CADM2: variants seen among roughly 807,000 people sequenced by gnomAD.
CADM2 encodes cell adhesion molecule 2.
CADM2 carries 12 observed loss-of-function variants against 49.8 expected under a neutral mutation model. The ratio of observed to expected loss-of-function variants is 0.24; its 90% confidence interval spans 0.15 to 0.39. CADM2 has a LOEUF of 0.39. Ranked by LOEUF, CADM2 falls within the 10% of genes least tolerant of loss-of-function variation. CADM2 has a pLI of 1.00. For synonymous variants in CADM2, 214 were observed against 175.4 expected (o/e 1.22, Z -1.74); for missense variants, 378 against 492.3 (o/e 0.77, Z 2.20).
intron 1 of CADM2, among the ~76,000 whole-genome samples, chr3:85,669,495 A>G (rs1473294934): frequency 1.3e-5 from 2 of 152,194 alleles, no homozygotes; most frequent in Non-Finnish European, 2.9e-5. Flanking sequence ...TGCATTCTTG[A>G]AATCAGAGCA....
At chr3:85,931,399 C>T (rs1199358110) in intron 6 of CADM2, among the ~76,000 whole-genome samples, 1 of 152,008 alleles carries the variant, frequency 6.6e-6, no homozygotes, top group Non-Finnish European at 1.5e-5. Context: ...GCTGTGATCA[C>T]ACCCCTGCAA....
At chr3:85,432,942 C>T (rs1022494844) in intron 1 of CADM2, among the ~76,000 whole-genome samples, 2 of 151,868 alleles carry the variant, frequency 1.3e-5, no homozygotes, top group African/African-American at 4.8e-5. Context: ...TCATTATGCT[C>T]CAATTTTAGT....
intron 2 of CADM2, among the ~76,000 whole-genome samples, chr3:85,767,735 CA>C (rs1349173432): frequency 3.3e-5 from 5 of 152,006 alleles, no homozygotes; most frequent in South Asian, 4.1e-4. Flanking sequence ...ACCAAAAAAA[CA>C]AAGGGTCTGG....
chr3:85,889,488 G>A (rs993210218), intron 5 of CADM2, among the ~76,000 whole-genome samples: 4 of 152,136 alleles, frequency 2.6e-5, no homozygotes, highest in South Asian at 4.1e-4. Flanking sequence ...TGATGTTGAC[G>A]CTCCTGTTTC....
chr3:85,311,998 C>T (rs1190288239), intron 1 of CADM2, among the ~76,000 whole-genome samples: 1 of 152,056 alleles, frequency 6.6e-6, no homozygotes, highest in African/African-American at 2.4e-5. Flanking sequence ...TTTCTATTTG[C>T]CAGAGGATGC....
intron 6 of CADM2, among the ~76,000 whole-genome samples, chr3:85,935,409 T>C (rs745771663): frequency 1.3e-5 from 2 of 152,072 alleles, no homozygotes; most frequent in Non-Finnish European, 2.9e-5. Context: ...CATAAATGCA[T>C]TCAGCCCATA....
At chr3:85,300,184 A>G (rs1054985604) in intron 1 of CADM2, among the ~76,000 whole-genome samples, 4 of 152,000 alleles carry the variant, frequency 2.6e-5, no homozygotes, top group Non-Finnish European at 5.9e-5. Context: ...GCTATAACTG[A>G]GTGTCTGAGG....
At chr3:85,708,437 A>T (rs2107730533) in intron 1 of CADM2, among the ~76,000 whole-genome samples, 1 of 152,232 alleles carries the variant, frequency 6.6e-6, no homozygotes, top group Non-Finnish European at 1.5e-5. Context: ...ATTGCACCTC[A>T]ACAAGCCGCA....
At chr3:85,577,143 T>C (rs922546232) in intron 1 of CADM2, among the ~76,000 whole-genome samples, 2 of 152,192 alleles carry the variant, frequency 1.3e-5, no homozygotes, top group African/African-American at 4.8e-5. Flanking sequence ...ACAAAGGGTT[T>C]TCCAGTTTAC....
chr3:85,088,706 A>G (rs1161483806), intron 1 of CADM2, among the ~76,000 whole-genome samples: 5 of 152,156 alleles, frequency 3.3e-5, no homozygotes, highest in African/African-American at 4.8e-5. Flanking sequence ...AAGAAGACCT[A>G]TTATGAATTA....
intron 1 of CADM2, among the ~76,000 whole-genome samples, chr3:85,573,225 G>C (rs919466660): frequency 8.7e-5 from 13 of 150,054 alleles, no homozygotes; most frequent in Non-Finnish European, 1.9e-4. Context: ...GCAAGGTCTC[G>C]CCTGTTGCCC....
At chr3:85,886,382 GTTAAGAAAAAGGCA>G (rs1286345885) in intron 5 of CADM2, 55 bp downstream of exon 5, 6 of 1,371,692 alleles carry the variant, frequency 4.4e-6, no homozygotes, top group Non-Finnish European at 6.2e-6. Context: ...AGTATGACAT[GTTAAGAAAAAGGCA>G]TTTTACATTA....
At chr3:86,016,859 G>A (rs1732304832) in intron 8 of CADM2, among the ~76,000 whole-genome samples, 1 of 151,952 alleles carries the variant, frequency 6.6e-6, no homozygotes, top group Non-Finnish European at 1.5e-5. Flanking sequence ...AAATTACTAA[G>A]GATTCAATGA....
At chr3:85,225,981 G>A (rs1453978695) in intron 1 of CADM2, among the ~76,000 whole-genome samples, 6 of 152,108 alleles carry the variant, frequency 3.9e-5, no homozygotes, top group East Asian at 1.9e-4. Flanking sequence ...AGCTTTCTGC[G>A]GTGCTGGTGG....
intron 8 of CADM2, chr3:86,013,633 A>T (rs771907868): frequency 1.6e-5 from 26 of 1,601,068 alleles, no homozygotes; most frequent in Non-Finnish European, 2.2e-5. Flanking sequence ...ATTATCACTG[A>T]CGATGTAGTG....
chr3:85,864,757 C>T (rs781020695), intron 3 of CADM2, among the ~76,000 whole-genome samples: 38 of 152,138 alleles, frequency 2.5e-4, no homozygotes, highest in Admixed American at 6.6e-5. Flanking sequence ...CTTCGTTTAT[C>T]ACTGGAAGCA....
chr3:85,874,251 G>T (rs1479086027), intron 3 of CADM2, among the ~76,000 whole-genome samples: 1 of 152,122 alleles, frequency 6.6e-6, no homozygotes, highest in Non-Finnish European at 1.5e-5. Flanking sequence ...GGGATTATTA[G>T]AATTGTACAC....
intron 2 of CADM2, among the ~76,000 whole-genome samples, chr3:85,797,117 A>G (rs907818776): frequency 6.6e-6 from 1 of 151,966 alleles, no homozygotes; most frequent in African/African-American, 2.4e-5. Flanking sequence ...AAAAGAAAAA[A>G]AAAAAGAAAA....
In CADM2 at chr3:85,444,376, G is replaced by T. The variant is rs2037348655; in HGVS notation, c.62-282146G>T. On this transcript the variant is annotated intron_variant, in intron 1 of 9. Coordinates refer to ENST00000383699, the MANE Select transcript of CADM2 (RefSeq NM_001167675.2). ...AAAAATATTAAAACTGGATTTATAAGTTGTCCAAACTCACCTCCCACTGCT... is the reference window on the plus strand; with the variant it reads ...AAAAATATTAAAACTGGATTTATAATTTGTCCAAACTCACCTCCCACTGCT... 5.3e-5 allele frequency among the ~76,000 whole-genome samples: 8 copies of T among 151,602 alleles called. No individual in the cohort carries two copies. In the South Asian group the frequency reaches 1.7e-3, roughly 32 times the overall value.
Sources: gnomAD v4.1 joint callset for allele counts (sites outside exome capture counted in the v4.1 genomes callset) on GRCh38, gnomAD v4.1.1 for gene constraint, MANE v1.5 for transcripts, NCBI Gene and HGNC (gene_info 2026-07-23, HGNC 2026-07-21) for gene names.